The following RNF212 variants were observed in gnomAD, a reference collection of about 807,000 sequenced individuals.
RNF212 encodes ring finger protein 212.
A neutral mutation model predicts 34.7 loss-of-function variants in RNF212; 33 were observed. The ratio of observed to expected loss-of-function variants is 0.95; its 90% CI spans 0.72 to 1.27. The LOEUF (loss-of-function observed/expected upper bound fraction) is 1.27. RNF212 is among the 50% of genes most tolerant of loss of function. The probability of loss-of-function intolerance (pLI) is 0.00; values close to 1 mark genes in which losing one functional copy is unlikely to be tolerated. For synonymous variants in RNF212, 140 were observed against 136.1 expected (o/e 1.03, Z -0.20); for missense variants, 377 against 362.2 (o/e 1.04, Z -0.33).
chr4:1,078,160 C>T (rs1278621377), intron 8 of RNF212, among the ~76,000 whole-genome samples: 1 of 152,214 alleles, frequency 6.6e-6, no homozygotes, highest in Non-Finnish European at 1.5e-5. Flanking sequence ...CAATGAGCCA[C>T]ACTGTGTCGC....
At chr4:1,077,944 T>C (rs1057491861) in intron 8 of RNF212, among the ~76,000 whole-genome samples, 4 of 152,124 alleles carry the variant, frequency 2.6e-5, no homozygotes, top group African/African-American at 9.7e-5. Context: ...AGGGAGAGGA[T>C]GCGTGTGCTT....
At chr4:1,080,031 C>A (rs1455610282) in intron 7 of RNF212, among the ~76,000 whole-genome samples, 1 of 152,182 alleles carries the variant, frequency 6.6e-6, no homozygotes, top group African/African-American at 2.4e-5. Flanking sequence ...CTGCCTGGAG[C>A]CTGCTGGACT....
rs71604347 is a variant in RNF212 at position 1,079,219 on chromosome 4, C to A, written c.510+424G>T. Among the ~76,000 whole-genome samples the A allele has an allele frequency of 1.3e-4, 17 of 129,902 alleles. 3 individuals carry two copies. Among genetic ancestry groups the A allele is most frequent in the East Asian group, 1.1e-3 (5 of 4,414 alleles). The allele number at this position is 129,902 out of a possible 152,430, so 85.2% of individuals were successfully genotyped here. On this transcript the variant is annotated intron_variant, in intron 8 of 9. Coordinates refer to ENST00000433731, the MANE Select transcript of RNF212 (RefSeq NM_001131034.4). ...ACATGGGACCAACATAGAGTCAACA[C>A]AGGACCAACATGGGACCAACACAGG...
At position 1,059,109 on chromosome 4, in the gene RNF212, G is replaced by A. The variant is rs546341084; in HGVS notation, n.148-716C>T. Among the ~76,000 whole-genome samples the A allele has an allele frequency of 1.0e-3, 156 of 152,336 alleles. 1 individual carries two copies. Among genetic ancestry groups the A allele is most frequent in the African/African-American group, 3.5e-3 (145 of 41,582 alleles). Reference sequence around the variant, plus strand: ...AGCCCAAGCATTAGGCTTCCCCAGCGCAGTGACTGTGACTGGCCAGTGCCC... The same window carrying A: ...AGCCCAAGCATTAGGCTTCCCCAGCACAGTGACTGTGACTGGCCAGTGCCC... On this transcript the variant is annotated intron_variant and non_coding_transcript_variant, in intron 3 of 4. Coordinates refer to the RNF212 transcript ENST00000503206.
intron 4 of RNF212, chr4:1,056,766 TCA>T (rs993784766): frequency 8.3e-6 from 7 of 844,598 alleles, no homozygotes; most frequent in Admixed American, 1.2e-4. Flanking sequence ...TGGCACACAC[TCA>T]GTTAAAGAGC....
downstream of RNF212, among the ~76,000 whole-genome samples, chr4:1,070,590 T>C (rs1410646341): frequency 1.3e-5 from 2 of 150,300 alleles, no homozygotes; most frequent in Non-Finnish European, 3.0e-5. Context: ...TGTGTCAGCG[T>C]GGATGCCTGG....
At chr4:1,064,577 C>T (rs1203514580) in intron 3 of RNF212, among the ~76,000 whole-genome samples, 2 of 52,756 alleles carry the variant, frequency 3.8e-5, no homozygotes, top group East Asian at 6.3e-4. Flanking sequence ...TGTCTTCATA[C>T]GGCCTCTTTT....
In RNF212 at chr4:1,079,516, C is replaced by T. The variant is rs1469965224; in HGVS notation, c.510+127G>A. ...CCCTCTCACCCACGGGACCAGCACA[C>T]GAAGCAGCAGCACTGTGCAAAGTCT... On this transcript the variant is annotated intron_variant, in intron 8 of 9. Coordinates refer to ENST00000433731, the MANE Select transcript of RNF212 (RefSeq NM_001131034.4). 14 of 743,890 alleles carry T rather than the reference C, an allele frequency of 1.9e-5. 2 individuals carry two copies. The highest frequency in any genetic ancestry group is 1.2e-4 in the South Asian group (8 of 67,710). The allele number at this position is 743,890 out of a possible 1,614,324, so 46.1% of individuals were successfully genotyped here. A position where few individuals can be genotyped will look rare whatever the true frequency, so the allele number is the denominator to read the frequency against.
intron 2 of RNF212, among the ~76,000 whole-genome samples, chr4:1,102,250 T>C (rs993141291): frequency 2.6e-5 from 4 of 152,186 alleles, no homozygotes; most frequent in African/African-American, 9.7e-5. Context: ...AAAATTAGTT[T>C]TTGAAAATAC....
At chr4:1,098,400 G>A (rs956962638) in intron 2 of RNF212, among the ~76,000 whole-genome samples, 1 of 152,222 alleles carries the variant, frequency 6.6e-6, no homozygotes, top group Non-Finnish European at 1.5e-5. Context: ...CCTGGGGCAG[G>A]TGCAGATGAA....
intron 4 of RNF212, among the ~76,000 whole-genome samples, chr4:1,057,570 T>G (rs576179824): frequency 7.9e-5 from 12 of 152,258 alleles, no homozygotes; most frequent in Middle Eastern, 3.4e-3. Context: ...ATTTACACAC[T>G]GCCTGCCCCG....
rs1261408632 is a variant in RNF212 at position 1,086,304 on chromosome 4, C to T, written c.304-350G>A. Among the ~76,000 whole-genome samples, 5 of 152,016 alleles carry T rather than the reference C, an allele frequency of 3.3e-5. 1 individual carries two copies. The highest frequency in any genetic ancestry group is 4.1e-4 in the South Asian group (2 of 4,834). On this transcript the variant is annotated intron_variant, in intron 4 of 9. Transcript: ENST00000433731. ...ACACGGCCACTGCCAGCTCATCCCA[C>T]GGCACAGCCTCTGCTGTCAGGCTGG...
chr4:1,088,700 C>T (rs963223548), intron 4 of RNF212, among the ~76,000 whole-genome samples: 3 of 152,194 alleles, frequency 2.0e-5, no homozygotes, highest in South Asian at 2.1e-4. Flanking sequence ...TTTTATGGGC[C>T]GGGCCAAGGC....
chr4:1,058,521 G>T, intron 3 of RNF212: 1 of 246,008 alleles, frequency 4.1e-6, no homozygotes, highest in Non-Finnish European at 6.6e-6. Flanking sequence ...CGAGGGCAGT[G>T]GCAGGCAGAG....
At chr4:1,082,019 G>C (rs1720435546) in intron 5 of RNF212, 2 of 246,304 alleles carry the variant, frequency 8.1e-6, no homozygotes, top group Non-Finnish European at 1.6e-5. Flanking sequence ...GGGAGGCAGG[G>C]GCGGGAGGAT....
intron 2 of RNF212, among the ~76,000 whole-genome samples, chr4:1,097,911 A>G (rs900770014): frequency 3.3e-5 from 5 of 152,226 alleles, no homozygotes; most frequent in Admixed American, 3.3e-4. Flanking sequence ...TCAAAAATAC[A>G]AAAGTTACCT....
At chr4:1,093,590 C>T in intron 3 of RNF212, 1 of 1,522,780 alleles carries the variant, frequency 6.6e-7, no homozygotes. Flanking sequence ...GCAGAGCAGA[C>T]AGGTGGCTGG....
At chr4:1,093,362 T>C in intron 3 of RNF212, 1 of 1,174,568 alleles carries the variant, frequency 8.5e-7, no homozygotes, top group Non-Finnish European at 1.1e-6. Context: ...ATCCATGATG[T>C]GTTAACATAT....
rs1017824341 is a variant in RNF212, at chr4:1,065,160, T to G, written n.148-6767A>C. 5.9e-5 allele frequency among the ~76,000 whole-genome samples: 9 copies of G among 152,360 alleles called. No individual in the cohort carries two copies. In the East Asian group the frequency reaches 1.3e-3, roughly 23 times the overall value. ...AATCCTTTTGAGTACTGAATTGAAA[T>G]GCAGCATCATCTGGGAATTGTGTTT... On this transcript the variant is annotated intron_variant and non_coding_transcript_variant, in intron 3 of 4. Transcript: ENST00000503206.
Sources: allele counts gnomAD v4.1 joint callset (sites outside exome capture counted in the v4.1 genomes callset), GRCh38; gene constraint gnomAD v4.1.1; transcripts MANE v1.5; gene names NCBI Gene and HGNC (gene_info 2026-07-23, HGNC 2026-07-21).